CNOT4: variants seen among roughly 807,000 people sequenced by gnomAD.
CNOT4 encodes CCR4-NOT transcription complex subunit 4.
Under a neutral mutation model 73.8 loss-of-function variants are expected in CNOT4, and 8 were observed. That is an observed-to-expected ratio of 0.11 (90% confidence interval 0.06 to 0.20). The LOEUF is 0.20. Among genes scored for constraint, CNOT4 ranks in the 10% least tolerant of loss-of-function variants. The pLI, the probability that CNOT4 is intolerant of heterozygous loss-of-function variation, is 1.00. For synonymous variants in CNOT4, 293 were observed against 321.1 expected (o/e 0.91, Z 0.94); for missense variants, 564 against 883.4 (o/e 0.64, Z 4.58).
intron 1 of CNOT4, among the ~76,000 whole-genome samples, chr7:135,461,362 T>A (rs1800860309): frequency 6.6e-6 from 1 of 152,138 alleles, no homozygotes; most frequent in Non-Finnish European, 1.5e-5. Context: ...TCATAACTTA[T>A]CAACTACTTT....
At position 135,363,271 on chromosome 7, in the gene CNOT4, C is replaced by T; in HGVS notation, c.1841-85G>A. ...GTCAAACAAATTTAGAAAGCAAAAC[C>T]AAAAGGAAAGACAGAAGAGATTACA... On this transcript the variant is annotated intron_variant, in intron 11 of 11. Transcript: ENST00000541284. The surrounding 1 kb of genome is among the most constrained non-coding windows in gnomAD (Gnocchi z 4.3). 8.0e-7 allele frequency: 1 copy of T among 1,250,140 alleles called. No individual in the cohort carries two copies. Among genetic ancestry groups the T allele is most frequent in the Non-Finnish European group, 1.2e-6 (1 of 866,518 alleles). 77.4% of individuals were successfully genotyped at this position (1,250,140 alleles called of 1,614,324 possible).
intron 8 of CNOT4, 21 bp from the exon 9 acceptor site, chr7:135,395,904 A>T (rs1444566810): frequency 6.5e-7 from 1 of 1,534,188 alleles, no homozygotes; most frequent in African/African-American, 1.4e-5. Flanking sequence ...AAGGAAAACA[A>T]ATAATAACTA....
chr7:135,387,518 G>A (rs1179669850), intron 10 of CNOT4: 22 of 974,150 alleles, frequency 2.3e-5, no homozygotes, highest in Non-Finnish European at 2.3e-5. Context: ...TCAATCTCTA[G>A]GCTTCTTTTT....
chr7:135,502,589 C>T (rs529257715), intron 1 of CNOT4, among the ~76,000 whole-genome samples: 1,771 of 151,970 alleles, frequency 0.012, 40 homozygotes, highest in African/African-American at 0.041. Context: ...CCGAAGCGGG[C>T]AGATCACCTG....
intron 1 of CNOT4, among the ~76,000 whole-genome samples, chr7:135,491,482 C>A (rs1404089538): frequency 6.6e-6 from 1 of 152,126 alleles, no homozygotes; most frequent in East Asian, 1.9e-4. Context: ...GAGAAAATAA[C>A]TTTGTCAAAC....
chr7:135,367,452 G>T (rs934200283), intron 10 of CNOT4, among the ~76,000 whole-genome samples: 1 of 152,152 alleles, frequency 6.6e-6, no homozygotes, highest in African/African-American at 2.4e-5. Flanking sequence ...ATTTAGGCAT[G>T]TACATCCCAG....
chr7:135,490,015 C>G (rs1803001550), intron 1 of CNOT4, among the ~76,000 whole-genome samples: 2 of 152,312 alleles, frequency 1.3e-5, no homozygotes, highest in South Asian at 4.1e-4. Context: ...TTATGCCAAC[C>G]AATCTCCAAG....
intron 1 of CNOT4, among the ~76,000 whole-genome samples, chr7:135,453,083 A>T (rs1037586876): frequency 6.6e-6 from 1 of 152,178 alleles, no homozygotes; most frequent in Non-Finnish European, 1.5e-5. Flanking sequence ...TTATCTAGAA[A>T]CCTAATTAAA....
intron 1 of CNOT4, among the ~76,000 whole-genome samples, chr7:135,503,620 T>C (rs1310026421): frequency 1.3e-5 from 2 of 152,198 alleles, no homozygotes; most frequent in Non-Finnish European, 2.9e-5. Flanking sequence ...ATAACGTCTT[T>C]ATATCATTTT....
At position 135,410,654 on chromosome 7, in the gene CNOT4, G is replaced by A. The variant is rs1294155046; in HGVS notation, c.688-6C>T. On this transcript the variant is annotated splice_polypyrimidine_tract_variant and splice_region_variant and intron_variant, in intron 6 of 11. Coordinates refer to ENST00000541284, the MANE Select transcript of CNOT4 (RefSeq NM_001190850.2). ...TATTCTTGGTGTTTACCCGCCTAAC[G>A]AAAGAAGAAATTAAAACTGCAGTGG... is the stretch of plus-strand genomic sequence containing the variant. 1 of 1,572,972 alleles carries A rather than the reference G, an allele frequency of 6.4e-7. No individual in the cohort carries two copies. Among genetic ancestry groups the A allele is most frequent in the Non-Finnish European group, 8.6e-7 (1 of 1,163,336 alleles).
At chr7:135,419,422 G>T (rs1439831723) in intron 3 of CNOT4, among the ~76,000 whole-genome samples, 3 of 151,952 alleles carry the variant, frequency 2.0e-5, no homozygotes, top group Non-Finnish European at 4.4e-5. Context: ...ATACTAAAAA[G>T]GTTATAAAGA....
chr7:135,414,278 T>A, intron 5 of CNOT4, 53 bp downstream of exon 5: 1 of 730,022 alleles, frequency 1.4e-6, no homozygotes, highest in Non-Finnish European at 2.4e-6. Context: ...ACTTACTATA[T>A]TTTATCTCGT....
intron 1 of CNOT4, among the ~76,000 whole-genome samples, chr7:135,459,266 T>C (rs1800729691): frequency 6.6e-6 from 1 of 151,288 alleles, no homozygotes; most frequent in Non-Finnish European, 1.5e-5. Flanking sequence ...AACCATGCTG[T>C]AAACAGATAG....
At chr7:135,455,478 C>G (rs1368600026) in intron 1 of CNOT4, among the ~76,000 whole-genome samples, 1 of 151,820 alleles carries the variant, frequency 6.6e-6, no homozygotes, top group Admixed American at 6.6e-5. Flanking sequence ...TAAAAGTCTA[C>G]CAACCATGGA....
In CNOT4 at chr7:135,442,662, C is replaced by T. The variant is rs116788721; in HGVS notation, c.-92-4239G>A. ...TCAAATAATAAGATTTAAAATGTTACAAGACATAGAAATATCTTTTTAAAT... is the reference window on the plus strand; with the variant it reads ...TCAAATAATAAGATTTAAAATGTTATAAGACATAGAAATATCTTTTTAAAT... On this transcript the variant is annotated intron_variant, in intron 1 of 11. Coordinates refer to ENST00000541284, the MANE Select transcript of CNOT4 (RefSeq NM_001190850.2). Among the ~76,000 whole-genome samples, 675 of 152,140 alleles carry T rather than the reference C, an allele frequency of 4.4e-3. 10 individuals are homozygous for T. The highest frequency in any genetic ancestry group is 0.016 in the African/African-American group (649 of 41,520).
chr7:135,470,496 C>G (rs1311438318), intron 1 of CNOT4, among the ~76,000 whole-genome samples: 1 of 151,624 alleles, frequency 6.6e-6, no homozygotes, highest in Non-Finnish European at 1.5e-5. Context: ...CCTGGCCAGG[C>G]ACAGTGAGCT....
chr7:135,404,334 TCACTGCTTTATTC>T (rs1319609932), intron 7 of CNOT4, among the ~76,000 whole-genome samples: 2 of 152,222 alleles, frequency 1.3e-5, no homozygotes, highest in African/African-American at 4.8e-5. Flanking sequence ...AGTTTGAGAA[TCACTGCTTTATTC>T]CACTCCTGAA....
chr7:135,483,487 A>G (rs1201336277), intron 1 of CNOT4, among the ~76,000 whole-genome samples: 1 of 152,128 alleles, frequency 6.6e-6, no homozygotes, highest in East Asian at 1.9e-4. Flanking sequence ...TCACATGATC[A>G]TATCATTGAC....
intron 8 of CNOT4, among the ~76,000 whole-genome samples, chr7:135,397,302 G>C (rs576869422): frequency 1.3e-5 from 2 of 151,992 alleles, no homozygotes; most frequent in South Asian, 2.1e-4. Flanking sequence ...ATTATGATGG[G>C]ATATCAAAAC....
Sources: allele counts gnomAD v4.1 joint callset (sites outside exome capture counted in the v4.1 genomes callset), GRCh38; gene constraint gnomAD v4.1.1; non-coding constraint Gnocchi (gnomAD v3.1); transcripts MANE v1.5; gene names NCBI Gene and HGNC (gene_info 2026-07-23, HGNC 2026-07-21).